The following SLC7A2 variants were observed in gnomAD, a reference collection of about 807,000 sequenced individuals.
SLC7A2 encodes the protein cationic amino acid transporter 2.
SLC7A2 carries 48 observed loss-of-function variants against 58.9 expected under a neutral mutation model. The observed-to-expected ratio is 0.82, with a 90% CI of 0.65 to 1.04. The LOEUF (loss-of-function observed/expected upper bound fraction) is 1.04, where lower values mean the gene tolerates loss of function less well. Ranked by LOEUF, SLC7A2 falls within the 50% of genes least tolerant of loss-of-function variation. The pLI is 0.00. For missense variants in SLC7A2, 1,029 were observed against 818.8 expected (o/e 1.26, Z -3.13); for synonymous variants, 363 against 314.5 (o/e 1.15, Z -1.63).
intron 2 of SLC7A2, among the ~76,000 whole-genome samples, chr8:17,530,833 A>G (rs993141512): frequency 3.9e-5 from 6 of 152,110 alleles, no homozygotes; most frequent in African/African-American, 1.2e-4. Flanking sequence ...TGGCCCCCCA[A>G]AGTGCTGGTA....
rs116506687 is a variant in SLC7A2 at position 17,506,216 on chromosome 8, T to A, written c.-23+3914T>A. On this transcript the variant is annotated intron_variant, in intron 2 of 12. Coordinates refer to ENST00000494857, the MANE Select transcript of SLC7A2 (RefSeq NM_001370338.1). ...AGACAATAGTGGGTGTTGATAAAAT[T>A]TGTAGTACTAGAGCTGTGAAAACAA... is the stretch of plus-strand genomic sequence containing the variant. Among the ~76,000 whole-genome samples, 151 of 152,300 alleles carry A rather than the reference T, an allele frequency of 9.9e-4. 1 individual carries two copies. The highest frequency in any genetic ancestry group is 3.5e-3 in the African/African-American group (144 of 41,566).
chr8:17,543,285 A>G, intron 2 of SLC7A2, 33 bp from the exon 3 acceptor site: 1 of 1,553,188 alleles, frequency 6.4e-7, no homozygotes, highest in Non-Finnish European at 8.7e-7. Context: ...TGACAATTCC[A>G]GATCAGCTTC....
Position 17,524,696 on chromosome 8 carries a change from C to T in SLC7A2, c.-22-18622C>T, listed in dbSNP as rs539678624. On this transcript the variant is annotated intron_variant, in intron 2 of 12. Coordinates refer to ENST00000494857, the MANE Select transcript of SLC7A2 (RefSeq NM_001370338.1). Reference sequence around the variant, plus strand: ...ATGGTGAGGGATAAAAGACTACACACTGGGTACAGGGTACACTGCTCGGGT... The same window carrying T: ...ATGGTGAGGGATAAAAGACTACACATTGGGTACAGGGTACACTGCTCGGGT... Among the ~76,000 whole-genome samples the T allele has an allele frequency of 3.3e-5, 5 of 152,198 alleles. No individual in the cohort carries two copies. In the South Asian group the frequency reaches 1.0e-3, roughly 32 times the overall value.
intron 7 of SLC7A2, among the ~76,000 whole-genome samples, chr8:17,553,821 T>C (rs1480577161): frequency 6.6e-6 from 1 of 152,216 alleles, no homozygotes; most frequent in East Asian, 1.9e-4. Flanking sequence ...TAAAATACTT[T>C]TTTTGTTTTC....
intron 4 of SLC7A2, among the ~76,000 whole-genome samples, chr8:17,547,566 T>A (rs763549959): frequency 6.6e-6 from 1 of 152,222 alleles, no homozygotes; most frequent in Non-Finnish European, 1.5e-5. Context: ...ATATCTTTGA[T>A]GCAGTATTAC....
At position 17,543,518 on chromosome 8, in the gene SLC7A2, C is replaced by G; in HGVS notation, c.179C>G (p.Ala60Gly). The G allele has an allele frequency of 6.2e-7, 1 of 1,613,620 alleles. No individual in the cohort carries two copies. Among genetic ancestry groups the G allele is most frequent in the Non-Finnish European group, 8.5e-7 (1 of 1,179,762 alleles). ...AGVYVLAGEV[A>G]KADSGPSIVV... Reference sequence around the variant, plus strand: ...GTTTATGTCCTCGCTGGGGAGGTGGCCAAGGCAGACTCGGGCCCCAGCATC... The same window carrying G: ...GTTTATGTCCTCGCTGGGGAGGTGGGCAAGGCAGACTCGGGCCCCAGCATC... Residue 60 changes from alanine to glycine, a missense_variant, in exon 3 of 13, where the codon GCC becomes GGC. Transcript: ENST00000494857.
At chr8:17,560,615 G>T (rs1196006702) in intron 10 of SLC7A2, 82 bp downstream of exon 10, 3 of 1,220,434 alleles carry the variant, frequency 2.5e-6, no homozygotes, top group Middle Eastern at 2.6e-4. Context: ...AGAGAAAAGA[G>T]GGCCTAACAT....
intron 2 of SLC7A2, among the ~76,000 whole-genome samples, chr8:17,514,347 G>T (rs1330349158): frequency 6.6e-6 from 1 of 152,096 alleles, no homozygotes; most frequent in Non-Finnish European, 1.5e-5. Context: ...ACCCTGCAGA[G>T]TCCCTGACAT....
At chr8:17,501,196 T>C (rs1800146195) in intron 1 of SLC7A2, among the ~76,000 whole-genome samples, 1 of 151,998 alleles carries the variant, frequency 6.6e-6, no homozygotes, top group Non-Finnish European at 1.5e-5. Context: ...GTAATTTTAG[T>C]ATAGATGGGG....
At chr8:17,539,178 A>G (rs530578091) in intron 2 of SLC7A2, among the ~76,000 whole-genome samples, 5 of 152,330 alleles carry the variant, frequency 3.3e-5, no homozygotes, top group African/African-American at 9.6e-5. Context: ...CTAAAATTCT[A>G]TACTGTCAAG....
At chr8:17,511,757 A>G (rs1176942312) in intron 2 of SLC7A2, among the ~76,000 whole-genome samples, 3 of 152,182 alleles carry the variant, frequency 2.0e-5, no homozygotes, top group South Asian at 2.1e-4. Context: ...GGGCTTTACA[A>G]TTCTAAACAA....
chr8:17,517,024 C>T (rs1448136625), intron 2 of SLC7A2, among the ~76,000 whole-genome samples: 2 of 152,176 alleles, frequency 1.3e-5, no homozygotes, highest in Non-Finnish European at 2.9e-5. Flanking sequence ...CAGAAGCAGG[C>T]TTGTGCTGTT....
chr8:17,542,143 T>A (rs140543417), intron 2 of SLC7A2, among the ~76,000 whole-genome samples: 83 of 152,334 alleles, frequency 5.4e-4, no homozygotes, highest in Middle Eastern at 3.4e-3. Context: ...GGTGATTTTT[T>A]AAAAATTCTA....
At chr8:17,501,863 A>G (rs188980323) in intron 1 of SLC7A2, among the ~76,000 whole-genome samples, 1 of 150,042 alleles carries the variant, frequency 6.7e-6, no homozygotes, top group East Asian at 2.0e-4. Context: ...ACATTCCATG[A>G]CCTTTGTAAC....
At chr8:17,562,379 AT>A (rs1436903689) in intron 11 of SLC7A2, among the ~76,000 whole-genome samples, 1 of 151,666 alleles carries the variant, frequency 6.6e-6, no homozygotes, top group Non-Finnish European at 1.5e-5. Flanking sequence ...TAATGTTTGT[AT>A]TTTTAGAAGA....
At chr8:17,521,407 A>G (rs1801008895) in intron 2 of SLC7A2, among the ~76,000 whole-genome samples, 1 of 152,300 alleles carries the variant, frequency 6.6e-6, no homozygotes, top group East Asian at 1.9e-4. Context: ...CAGGATTCTG[A>G]TATTTCCTTG....
intron 2 of SLC7A2, among the ~76,000 whole-genome samples, chr8:17,533,522 A>G (rs2588230): frequency 0.61 from 92,359 of 152,042 alleles, 29,067 homozygotes; most frequent in Admixed American, 0.7. Flanking sequence ...AAATTAGGTA[A>G]CTTTTACGGG....
chr8:17,536,057 A>C (rs1319968415), intron 2 of SLC7A2, among the ~76,000 whole-genome samples: 1 of 151,304 alleles, frequency 6.6e-6, no homozygotes, highest in East Asian at 1.9e-4. Context: ...CCTTTCCTCC[A>C]TTACATGAAT....
chr8:17,514,313 T>C (rs916875745), intron 2 of SLC7A2, among the ~76,000 whole-genome samples: 1 of 139,174 alleles, frequency 7.2e-6, no homozygotes, highest in Non-Finnish European at 1.6e-5. Context: ...TTGGGAGCAG[T>C]GATTGATCCA....
Sources: gnomAD v4.1 joint callset for allele counts (sites outside exome capture counted in the v4.1 genomes callset) on GRCh38, gnomAD v4.1.1 for gene constraint, MANE v1.5 for transcripts, NCBI Gene and HGNC (gene_info 2026-07-23, HGNC 2026-07-21) for gene names.